Variants in CNTNAP2 observed in about 807,000 individuals in gnomAD.
The protein encoded by CNTNAP2 is contactin associated protein 2.
CNTNAP2 carries 98 observed loss-of-function variants against 155.2 expected under a neutral mutation model. The observed-to-expected ratio is 0.63, with a 90% CI of 0.54 to 0.75. CNTNAP2 has a LOEUF of 0.75. Ranked by LOEUF, CNTNAP2 falls within the 30% of genes least tolerant of loss-of-function variation. CNTNAP2 has a pLI of 0.00. For missense variants in CNTNAP2, 1,727 were observed against 1,688.1 expected (o/e 1.02, Z -0.40); for synonymous variants, 651 against 631.2 (o/e 1.03, Z -0.47).
intron 8 of CNTNAP2, among the ~76,000 whole-genome samples, chr7:147,242,106 TTCTC>T (rs1456333527): frequency 1.3e-4 from 20 of 152,228 alleles, no homozygotes; most frequent in African/African-American, 4.3e-4. Context: ...TTCTTTGACT[TTCTC>T]TCCTCCTTAC....
rs200285900 is a variant in CNTNAP2, at chr7:146,484,973, A to T, written c.98-289298A>T. On this transcript the variant is annotated intron_variant, in intron 1 of 23. Coordinates refer to ENST00000361727, the MANE Select transcript of CNTNAP2 (RefSeq NM_014141.6). Reference sequence around the variant, plus strand: ...TGATAAGAATACAATGGCAAAAGATAAAAAAGCTTTTATTATAGCATTATA... The same window carrying T: ...TGATAAGAATACAATGGCAAAAGATTAAAAAGCTTTTATTATAGCATTATA... Among the ~76,000 whole-genome samples, 45 of 152,342 alleles carry T rather than the reference A, an allele frequency of 3.0e-4. No homozygotes were observed. The East Asian group carries it at 7.7e-3, about 26-fold the overall frequency.
At chr7:146,233,623 A>G (rs1019971296) in intron 1 of CNTNAP2, among the ~76,000 whole-genome samples, 2 of 151,220 alleles carry the variant, frequency 1.3e-5, no homozygotes, top group African/African-American at 2.4e-5. Context: ...CCTTCCCCCC[A>G]CACCACAACA....
intron 12 of CNTNAP2, among the ~76,000 whole-genome samples, chr7:147,629,806 T>A (rs892879865): frequency 1.3e-5 from 2 of 152,008 alleles, no homozygotes; most frequent in Non-Finnish European, 2.9e-5. Flanking sequence ...TATCAAAACC[T>A]CTGGCATACA....
intron 1 of CNTNAP2, among the ~76,000 whole-genome samples, chr7:146,773,388 C>T (rs1344675736): frequency 6.6e-6 from 1 of 151,978 alleles, no homozygotes; most frequent in South Asian, 2.1e-4. Context: ...TTGCTGATGT[C>T]TAGTTCTTTC....
At chr7:146,471,872 A>G (rs1796803893) in intron 1 of CNTNAP2, among the ~76,000 whole-genome samples, 1 of 152,142 alleles carries the variant, frequency 6.6e-6, no homozygotes, top group East Asian at 1.9e-4. Flanking sequence ...AGATCCATAA[A>G]TCACTTTTTT....
chr7:148,186,507 A>G (rs1795117149), intron 18 of CNTNAP2, among the ~76,000 whole-genome samples: 1 of 152,178 alleles, frequency 6.6e-6, no homozygotes, highest in Non-Finnish European at 1.5e-5. Context: ...AGTTGTGTTC[A>G]TGGAGAGCCC....
intron 4 of CNTNAP2, among the ~76,000 whole-genome samples, chr7:147,107,349 A>G (rs1288250247): frequency 6.6e-6 from 1 of 152,100 alleles, no homozygotes; most frequent in Non-Finnish European, 1.5e-5. Context: ...CATATTTCCC[A>G]TTTTTTAAAA....
intron 1 of CNTNAP2, among the ~76,000 whole-genome samples, chr7:146,243,976 G>C (rs1799604040): frequency 6.6e-6 from 1 of 152,132 alleles, no homozygotes; most frequent in Admixed American, 6.5e-5. Flanking sequence ...TAGAGTGGGA[G>C]AGATTAAGCT....
chr7:146,669,789 G>A (rs1250651829), intron 1 of CNTNAP2, among the ~76,000 whole-genome samples: 3 of 152,060 alleles, frequency 2.0e-5, no homozygotes, highest in African/African-American at 4.8e-5. Context: ...ATTAAAAATT[G>A]TTTCAACCTT....
chr7:147,734,599 T>G (rs12667718), intron 13 of CNTNAP2, among the ~76,000 whole-genome samples: 90,291 of 152,110 alleles, frequency 0.59, 29,703 homozygotes, highest in East Asian at 0.9. Flanking sequence ...TGGTACCAAC[T>G]CCTCCTTGTA....
chr7:148,368,334 G>A (rs1055698278), intron 21 of CNTNAP2, among the ~76,000 whole-genome samples: 1 of 152,170 alleles, frequency 6.6e-6, no homozygotes, highest in African/African-American at 2.4e-5. Flanking sequence ...GGAGAGTTCT[G>A]CAGAGCCCCA....
intron 13 of CNTNAP2, among the ~76,000 whole-genome samples, chr7:147,741,913 C>A (rs1164400140): frequency 6.6e-6 from 1 of 152,092 alleles, no homozygotes; most frequent in African/African-American, 2.4e-5. Flanking sequence ...AGAGACTGGG[C>A]AATTTACAAA....
chr7:147,446,866 G>A (rs1315656179), intron 10 of CNTNAP2, among the ~76,000 whole-genome samples: 1 of 152,086 alleles, frequency 6.6e-6, no homozygotes, highest in African/African-American at 2.4e-5. Flanking sequence ...AGAATTTTAG[G>A]GTGTCTGATA....
chr7:146,295,874 CAA>C (rs112015205), intron 1 of CNTNAP2, among the ~76,000 whole-genome samples: 4 of 107,270 alleles, frequency 3.7e-5, no homozygotes, highest in African/African-American at 3.0e-5. Flanking sequence ...GACTCCATCT[CAA>C]AAAAAAAAAA....
chr7:148,101,538 A>G (rs1804101195), intron 15 of CNTNAP2, among the ~76,000 whole-genome samples: 1 of 152,172 alleles, frequency 6.6e-6, no homozygotes, highest in South Asian at 2.1e-4. Context: ...TGTTCTTGAA[A>G]CAATAAATCC....
chr7:148,213,458 C>A (rs779452207), intron 18 of CNTNAP2, among the ~76,000 whole-genome samples: 19 of 152,130 alleles, frequency 1.2e-4, no homozygotes, highest in Admixed American at 1.3e-4. Flanking sequence ...CCTCCCTAGG[C>A]CAGGTTCTGT....
intron 21 of CNTNAP2, among the ~76,000 whole-genome samples, chr7:148,312,234 G>A (rs1004493597): frequency 3.0e-4 from 46 of 152,140 alleles, no homozygotes; most frequent in East Asian, 3.9e-4. Flanking sequence ...AATTCTGACC[G>A]CACTAACCAT....
chr7:147,075,584 C>T (rs1799980511), intron 4 of CNTNAP2, among the ~76,000 whole-genome samples: 1 of 151,908 alleles, frequency 6.6e-6, no homozygotes, highest in African/African-American at 2.4e-5. Flanking sequence ...TATGAAATAC[C>T]ATAACATTTT....
At chr7:146,691,874 A>T (rs966021110) in intron 1 of CNTNAP2, among the ~76,000 whole-genome samples, 1 of 152,120 alleles carries the variant, frequency 6.6e-6, no homozygotes, top group Non-Finnish European at 1.5e-5. Flanking sequence ...AAATTCAGTG[A>T]CTACTTTGAA....
Sources: gnomAD v4.1 joint callset for allele counts (sites outside exome capture counted in the v4.1 genomes callset) on GRCh38, gnomAD v4.1.1 for gene constraint, MANE v1.5 for transcripts, NCBI Gene and HGNC (gene_info 2026-07-23, HGNC 2026-07-21) for gene names.